NAALADL2: variants seen among roughly 807,000 people sequenced by gnomAD.
The protein encoded by NAALADL2 is N-acetylated alpha-linked acidic dipeptidase like 2.
NAALADL2 carries 76 observed loss-of-function variants against 87.2 expected under a neutral mutation model. That is an observed-to-expected ratio of 0.87 (90% CI 0.72 to 1.05). The LOEUF (loss-of-function observed/expected upper bound fraction) is 1.05. Ranked by LOEUF, NAALADL2 falls within the 50% of genes least tolerant of loss-of-function variation. The pLI, the probability that NAALADL2 is intolerant of heterozygous loss-of-function variation, is 0.00. For synonymous variants in NAALADL2, 354 were observed against 331.0 expected (o/e 1.07, Z -0.75); for missense variants, 1,089 against 945.8 (o/e 1.15, Z -1.99).
At chr3:175,422,721 A>G (rs75006194) in intron 5 of NAALADL2, among the ~76,000 whole-genome samples, 3,395 of 152,164 alleles carry the variant, frequency 0.022, 143 homozygotes, top group East Asian at 0.14. Flanking sequence ...CACATTGCAT[A>G]CATTTTCTCA....
At chr3:175,229,255 A>C (rs1473911219) in intron 2 of NAALADL2, among the ~76,000 whole-genome samples, 1 of 151,980 alleles carries the variant, frequency 6.6e-6, no homozygotes, top group Non-Finnish European at 1.5e-5. Flanking sequence ...AAGAGATATA[A>C]TAAAACCTTA....
chr3:175,797,798 G>C (rs1369724322), intron 13 of NAALADL2, among the ~76,000 whole-genome samples: 1 of 152,060 alleles, frequency 6.6e-6, no homozygotes. Context: ...GCTTCCATAA[G>C]AGTATTGATC....
intron 1 of NAALADL2, among the ~76,000 whole-genome samples, chr3:174,931,649 C>T (rs1043369206): frequency 2.6e-5 from 4 of 152,066 alleles, no homozygotes; most frequent in African/African-American, 7.2e-5. Flanking sequence ...ACTATCTCTT[C>T]AAGGGTAGAT....
chr3:174,552,624 G>A (rs1017316736), intron 2 of NAALADL2, among the ~76,000 whole-genome samples: 1 of 151,516 alleles, frequency 6.6e-6, no homozygotes, highest in African/African-American at 2.4e-5. Flanking sequence ...GCGAAATCCT[G>A]TCTCTGCAAA....
Position 175,013,301 on chromosome 3 carries a change from A to ATAT in NAALADL2, c.44-83488_44-83487insATT, listed in dbSNP as rs1553916905. Among the ~76,000 whole-genome samples, 70 of 72,072 alleles carry ATAT rather than the reference A, an allele frequency of 9.7e-4. 4 individuals are homozygous for ATAT. The highest frequency in any genetic ancestry group is 2.6e-3 in the African/African-American group (44 of 17,150). The allele number at this position is 72,072 out of a possible 152,430, so 47.3% of individuals were successfully genotyped here. On this transcript the variant is annotated intron_variant, in intron 1 of 13. Transcript: ENST00000454872. The stretch of plus-strand genomic sequence containing the variant: ...TACATATATATATATATATATATAT[A>ATAT]TTTTTTTTTTTTTTTGAGACAGGGT...
intron 3 of NAALADL2, among the ~76,000 whole-genome samples, chr3:175,252,094 G>A (rs921427875): frequency 6.6e-6 from 1 of 152,142 alleles, no homozygotes; most frequent in African/African-American, 2.4e-5. Flanking sequence ...TGAAGAATTT[G>A]TATTTTTGTA....
chr3:175,039,810 T>G (rs1753838208), intron 1 of NAALADL2, among the ~76,000 whole-genome samples: 1 of 152,174 alleles, frequency 6.6e-6, no homozygotes, highest in South Asian at 2.1e-4. Context: ...GCAATTTCAT[T>G]TTTTAAAATA....
intron 1 of NAALADL2, among the ~76,000 whole-genome samples, chr3:174,525,681 A>G (rs1720683217): frequency 6.6e-6 from 1 of 152,236 alleles, no homozygotes. Flanking sequence ...TAATCCATAA[A>G]TTATGTGAAA....
At chr3:175,137,766 G>GTTT (rs113841309) in intron 2 of NAALADL2, among the ~76,000 whole-genome samples, 50 of 151,130 alleles carry the variant, frequency 3.3e-4, no homozygotes, top group South Asian at 6.3e-4. Flanking sequence ...ACCCAGCTAA[G>GTTT]TTTGTTTTGT....
intron 2 of NAALADL2, among the ~76,000 whole-genome samples, chr3:174,666,813 G>A (rs933434765): frequency 3.9e-5 from 6 of 151,928 alleles, no homozygotes; most frequent in Non-Finnish European, 8.8e-5. Context: ...TGAAACTCTG[G>A]GCCCATTGAA....
At chr3:175,045,702 C>T (rs1754584148) in intron 1 of NAALADL2, among the ~76,000 whole-genome samples, 1 of 151,970 alleles carries the variant, frequency 6.6e-6, no homozygotes, top group South Asian at 2.1e-4. Flanking sequence ...AAGGATGAGC[C>T]CAGATACTTG....
intron 2 of NAALADL2, among the ~76,000 whole-genome samples, chr3:174,584,647 G>GT (rs1716516593): frequency 6.6e-6 from 1 of 152,074 alleles, no homozygotes; most frequent in Non-Finnish European, 1.5e-5. Flanking sequence ...ATGCATGATA[G>GT]CTAATTATCC....
chr3:175,699,099 A>G (rs1304666083), intron 11 of NAALADL2, among the ~76,000 whole-genome samples: 1 of 151,892 alleles, frequency 6.6e-6, no homozygotes, highest in African/African-American at 2.4e-5. Context: ...TATATTTCTA[A>G]CTATGTGATT....
At chr3:174,798,522 G>A (rs1431808889) in intron 3 of NAALADL2, among the ~76,000 whole-genome samples, 2 of 152,108 alleles carry the variant, frequency 1.3e-5, no homozygotes, top group Admixed American at 6.6e-5. Flanking sequence ...AATTTGAAGA[G>A]TATTGCCATT....
rs1323137282 is a variant in NAALADL2, at chr3:174,530,213, A to G, written c.-183-20356A>G. On this transcript the variant is annotated intron_variant, in intron 1 of 3. Coordinates refer to the NAALADL2 transcript ENST00000434257. ...TCTCTCTCAAGTTCAAAGTTCCACA[A>G]ATCTCTAGGATAGAGGCAAAATGCA... Among the ~76,000 whole-genome samples the G allele has an allele frequency of 2.0e-5, 3 of 152,194 alleles. No individual in the cohort carries two copies. The South Asian group carries it at 6.2e-4, about 31-fold the overall frequency.
At chr3:175,176,335 C>A (rs1309382119) in intron 2 of NAALADL2, among the ~76,000 whole-genome samples, 1 of 151,950 alleles carries the variant, frequency 6.6e-6, no homozygotes, top group East Asian at 1.9e-4. Context: ...TTTACATAAC[C>A]TTGACTGATA....
intron 3 of NAALADL2, among the ~76,000 whole-genome samples, chr3:175,237,281 T>G (rs1369537207): frequency 6.6e-6 from 1 of 152,154 alleles, no homozygotes; most frequent in African/African-American, 2.4e-5. Context: ...ACCCTATAAT[T>G]ATGATTTGAT....
At chr3:174,826,076 T>C (rs537507894) in intron 3 of NAALADL2, among the ~76,000 whole-genome samples, 32 of 150,978 alleles carry the variant, frequency 2.1e-4, no homozygotes, top group Non-Finnish European at 4.4e-4. Context: ...ACAACAACAA[T>C]CAAACAAAAT....
intron 1 of NAALADL2, among the ~76,000 whole-genome samples, chr3:175,010,069 T>C (rs1281628067): frequency 6.6e-6 from 1 of 151,822 alleles, no homozygotes; most frequent in Non-Finnish European, 1.5e-5. Context: ...GTGATTCAAA[T>C]TGGTGTGTTT....
Sources: gnomAD v4.1 joint callset for allele counts (sites outside exome capture counted in the v4.1 genomes callset) on GRCh38, gnomAD v4.1.1 for gene constraint, MANE v1.5 for transcripts, NCBI Gene and HGNC (gene_info 2026-07-23, HGNC 2026-07-21) for gene names.